The following COL4A5 variants were observed in gnomAD, a reference collection of about 807,000 sequenced individuals.
The protein encoded by COL4A5 is collagen type IV alpha 5 chain, also known as collagen alpha-5(IV) chain.
Under a neutral mutation model 130.2 loss-of-function variants are expected in COL4A5, and 26 were observed. The observed-to-expected ratio is 0.20, with a 90% confidence interval of 0.15 to 0.28. The LOEUF is 0.28. Among genes scored for constraint, COL4A5 ranks in the 10% least tolerant of loss-of-function variants. COL4A5 has a pLI of 1.00. For synonymous variants in COL4A5, 496 were observed against 439.6 expected (o/e 1.13, Z -1.60); for missense variants, 1,131 against 1,344.3 (o/e 0.84, Z 2.48).
At chrX:108,453,668 G>A (rs1394032744) in intron 1 of COL4A5, among the ~76,000 whole-genome samples, 2 of 111,397 alleles carry the variant, frequency 1.8e-5, no homozygotes, top group East Asian at 5.6e-4. Flanking sequence ...CTGCTATACC[G>A]AGGCCAACTC....
At chrX:108,567,370 A>T (rs2065990113) in intron 4 of COL4A5, among the ~76,000 whole-genome samples, 2 of 112,232 alleles carry the variant, frequency 1.8e-5, no homozygotes, top group Non-Finnish European at 3.8e-5. Flanking sequence ...TATTTAAAAC[A>T]TCTACGTGGT....
intron 16 of COL4A5, among the ~76,000 whole-genome samples, chrX:108,581,324 C>A (rs753053612): frequency 2.5e-4 from 28 of 111,639 alleles, no homozygotes; most frequent in African/African-American, 9.1e-4. Context: ...AGCATTTATC[C>A]TTTGCATTAC....
At chrX:108,548,078 C>T (rs1196195682) in intron 2 of COL4A5, among the ~76,000 whole-genome samples, 2 of 111,607 alleles carry the variant, frequency 1.8e-5, no homozygotes, top group African/African-American at 6.5e-5. Flanking sequence ...ATGCCTCACC[C>T]TGCTTTGGCT....
intron 1 of COL4A5, among the ~76,000 whole-genome samples, chrX:108,494,851 G>A (rs1391065521): frequency 9.0e-6 from 1 of 111,400 alleles, no homozygotes; most frequent in Admixed American, 9.6e-5. Context: ...TGAATACTTA[G>A]ACTTTCACTT....
At chrX:108,462,840 A>G (rs1367715707) in intron 1 of COL4A5, 1 of 112,917 alleles carries the variant, frequency 8.9e-6, no homozygotes, top group Non-Finnish European at 1.9e-5. Context: ...TAATGCCAGT[A>G]ATAATTCTGT....
At chrX:108,680,840 T>C in intron 45 of COL4A5, 45 bp from the exon 46 acceptor site, 1 of 1,189,428 alleles carries the variant, frequency 8.4e-7, no homozygotes, top group Non-Finnish European at 1.1e-6. Context: ...GTAAAGGTTG[T>C]AGCCCTGTTG....
At chrX:108,475,007 A>G (rs2064818104) in intron 1 of COL4A5, among the ~76,000 whole-genome samples, 3 of 110,976 alleles carry the variant, frequency 2.7e-5, no homozygotes, top group South Asian at 7.5e-4. Context: ...TAGCTTTGTT[A>G]TATATATTGA....
intron 36 of COL4A5, among the ~76,000 whole-genome samples, chrX:108,634,340 T>G (rs2067318331): frequency 9.0e-6 from 1 of 111,424 alleles, no homozygotes; most frequent in Non-Finnish European, 1.9e-5. Context: ...ACTCTAGATA[T>G]GCAGCTAAGG....
chrX:108,469,283 C>T (rs2147504762), intron 1 of COL4A5, among the ~76,000 whole-genome samples: 1 of 105,492 alleles, frequency 9.5e-6, no homozygotes, highest in African/African-American at 3.5e-5. Context: ...GGACTACAGG[C>T]ACCTGTCACT....
chrX:108,689,346 C>A, intron 49 of COL4A5: 1 of 749,621 alleles, frequency 1.3e-6, no homozygotes, highest in South Asian at 6.8e-5. Context: ...AACTTCAAAT[C>A]CCTAACCTAC....
At chrX:108,466,699 A>G (rs2064709715) in intron 1 of COL4A5, among the ~76,000 whole-genome samples, 1 of 110,527 alleles carries the variant, frequency 9.0e-6, no homozygotes, top group South Asian at 3.9e-4. Context: ...TCCTGGGCTC[A>G]AGTGATCTTC....
chrX:108,526,660 C>CTCT (rs2065324591), intron 1 of COL4A5, among the ~76,000 whole-genome samples: 6 of 38,757 alleles, frequency 1.5e-4, no homozygotes, highest in Admixed American at 6.6e-4. Context: ...TTCTTTCTTT[C>CTCT]TTCTTTCTTT....
chrX:108,588,588 C>A (rs2066375505), intron 19 of COL4A5, among the ~76,000 whole-genome samples: 1 of 109,449 alleles, frequency 9.1e-6, no homozygotes, highest in African/African-American at 3.3e-5. Flanking sequence ...GGACAAGAGG[C>A]AGCATTTGAA....
intron 6 of COL4A5, 22 bp downstream of exon 6, chrX:108,568,843 T>A (rs748017793): frequency 8.7e-7 from 1 of 1,154,004 alleles, no homozygotes; most frequent in African/African-American, 1.8e-5. Context: ...CCATTTAATC[T>A]TGGGTAGTAT....
Position 108,622,877 on chromosome X carries a change from AATTT to A in COL4A5, c.2917+53_2917+56del. The A allele has an allele frequency of 6.4e-6, 7 of 1,099,609 alleles. No individual in the cohort carries two copies. The South Asian group carries it at 1.4e-4, about 22-fold the overall frequency. 90.6% of individuals were successfully genotyped at this position (1,099,609 alleles called of 1,213,427 possible). ...ATTTTTCCTGATATATCTGAAGTTT[AATTT>A]TTAAATAGCATGAAAAGTGACTTAT... On this transcript the variant is annotated intron_variant, in intron 33 of 52. Transcript: ENST00000328300.
intron 36 of COL4A5, chrX:108,626,922 G>C (rs2067163796): frequency 1.3e-6 from 1 of 755,460 alleles, no homozygotes; most frequent in Admixed American, 8.3e-5. Flanking sequence ...ATGTCAAAAA[G>C]TAGTAACTCC....
chrX:108,624,433 T>G (rs1243914076), intron 34 of COL4A5, 99 bp downstream of exon 34: 9 of 736,216 alleles, frequency 1.2e-5, no homozygotes, highest in Non-Finnish European at 1.9e-5. Context: ...GTGGATTTGA[T>G]CATGGTAATA....
intron 1 of COL4A5, among the ~76,000 whole-genome samples, chrX:108,499,354 G>A (rs1310173616): frequency 4.5e-5 from 5 of 111,187 alleles, no homozygotes; most frequent in African/African-American, 1.6e-4. Flanking sequence ...TTAATATGTT[G>A]TTGTATTCTA....
At chrX:108,624,155 C>T in intron 33 of COL4A5, 81 bp from the exon 34 acceptor site, 2 of 742,008 alleles carry the variant, frequency 2.7e-6, no homozygotes, top group South Asian at 4.5e-5. Context: ...TAGTTTAACA[C>T]TTGAGTAGCT....
Sources: allele counts gnomAD v4.1 joint callset (sites outside exome capture counted in the v4.1 genomes callset), GRCh38; gene constraint gnomAD v4.1.1; transcripts MANE v1.5; gene names NCBI Gene and HGNC (gene_info 2026-07-23, HGNC 2026-07-21).